Variants in DPP10 observed in about 807,000 individuals in gnomAD.
DPP10 encodes dipeptidyl peptidase like 10.
In DPP10, 33 loss-of-function variants were observed where a neutral mutation model predicts 120.9. The ratio of observed to expected loss-of-function variants is 0.27; its 90% CI spans 0.21 to 0.37. DPP10 has a LOEUF of 0.37. Among genes scored for constraint, DPP10 ranks in the 10% least tolerant of loss-of-function variants. The probability of loss-of-function intolerance (pLI) is 1.00; values close to 1 mark genes in which losing one functional copy is unlikely to be tolerated. For synonymous variants in DPP10, 337 were observed against 326.1 expected (o/e 1.03, Z -0.36); for missense variants, 816 against 942.8 (o/e 0.87, Z 1.76).
intron 3 of DPP10, among the ~76,000 whole-genome samples, chr2:115,464,271 A>G (rs373213222): frequency 1.9e-4 from 29 of 152,294 alleles, no homozygotes; most frequent in African/African-American, 7.0e-4. Flanking sequence ...TACATTAAAT[A>G]TTTAACTCAT....
chr2:114,667,745 C>T (rs546763483), intron 1 of DPP10, among the ~76,000 whole-genome samples: 11 of 152,210 alleles, frequency 7.2e-5, no homozygotes, highest in Middle Eastern at 6.8e-3. Flanking sequence ...CAGAAACTTA[C>T]GTTTTTACAA....
intron 1 of DPP10, among the ~76,000 whole-genome samples, chr2:115,091,939 A>C (rs1337781983): frequency 1.3e-5 from 2 of 152,214 alleles, no homozygotes; most frequent in Non-Finnish European, 2.9e-5. Context: ...CTAAATAGTC[A>C]TCTTGACTCT....
chr2:115,305,723 GC>G (rs1455024344), intron 1 of DPP10, among the ~76,000 whole-genome samples: 2 of 151,774 alleles, frequency 1.3e-5, no homozygotes, highest in African/African-American at 4.8e-5. Flanking sequence ...GGGTGACAGA[GC>G]AAGACCCTCT....
intron 1 of DPP10, among the ~76,000 whole-genome samples, chr2:115,025,290 A>T (rs1703380385): frequency 6.6e-6 from 1 of 152,114 alleles, no homozygotes; most frequent in South Asian, 2.1e-4. Flanking sequence ...CACCTAGCGT[A>T]ACAACTCCCA....
rs185914188 is a variant in DPP10, at chr2:115,592,990, T to G, written c.441+67018T>G. On this transcript the variant is annotated intron_variant, in intron 5 of 25. Transcript: ENST00000410059. ...ACCTACTTTGAAACTTAAAACAATTTTTACACATTAAAAGCCAAGCTGATT... is the reference window on the plus strand; with the variant it reads ...ACCTACTTTGAAACTTAAAACAATTGTTACACATTAAAAGCCAAGCTGATT... Among the ~76,000 whole-genome samples the G allele has an allele frequency of 4.8e-4, 73 of 152,262 alleles. 2 individuals carry two copies. In the East Asian group the frequency reaches 0.014, roughly 28 times the overall value.
intron 1 of DPP10, among the ~76,000 whole-genome samples, chr2:114,573,731 C>G (rs912938244): frequency 1.3e-5 from 2 of 152,136 alleles, no homozygotes; most frequent in East Asian, 3.9e-4. Flanking sequence ...AGAAAACACT[C>G]ACATATGGAA....
At chr2:115,037,522 C>G (rs555638670) in intron 1 of DPP10, among the ~76,000 whole-genome samples, 3 of 152,110 alleles carry the variant, frequency 2.0e-5, no homozygotes, top group African/African-American at 7.2e-5. Flanking sequence ...AAATTGTCCT[C>G]GAGAAGCTTG....
At chr2:114,608,032 G>A (rs566466907) in intron 1 of DPP10, among the ~76,000 whole-genome samples, 1 of 152,262 alleles carries the variant, frequency 6.6e-6, no homozygotes, top group East Asian at 1.9e-4. Flanking sequence ...CATCTCATTA[G>A]GCTTTCAGCC....
At chr2:115,111,073 G>C (rs901753877) in intron 1 of DPP10, among the ~76,000 whole-genome samples, 2 of 152,058 alleles carry the variant, frequency 1.3e-5, no homozygotes, top group South Asian at 4.2e-4. Context: ...AGAAGGAAAC[G>C]CAATCCTATG....
chr2:114,833,251 GT>G (rs1434290297), intron 1 of DPP10: 2 of 150,094 alleles, frequency 1.3e-5, no homozygotes, highest in Non-Finnish European at 3.0e-5. Flanking sequence ...TGTAAGAGTT[GT>G]GATTATACAG....
At chr2:115,168,517 C>T (rs914852108) in intron 1 of DPP10, among the ~76,000 whole-genome samples, 4 of 152,168 alleles carry the variant, frequency 2.6e-5, no homozygotes, top group African/African-American at 9.7e-5. Context: ...ATTGATTATT[C>T]CCAGCATACT....
chr2:115,064,922 T>A, intron 1 of DPP10: 2 of 1,097,676 alleles, frequency 1.8e-6, no homozygotes, highest in Non-Finnish European at 2.4e-6. Context: ...TTTTTTGTTT[T>A]AAGCATTATT....
intron 1 of DPP10, among the ~76,000 whole-genome samples, chr2:114,760,487 G>A (rs2106097530): frequency 6.6e-6 from 1 of 151,860 alleles, no homozygotes; most frequent in Non-Finnish European, 1.5e-5. Context: ...TAACCTGGAA[G>A]TACAAGTATT....
intron 3 of DPP10, among the ~76,000 whole-genome samples, chr2:115,402,557 C>T (rs1029245307): frequency 1.3e-5 from 2 of 151,268 alleles, no homozygotes; most frequent in Non-Finnish European, 2.9e-5. Flanking sequence ...GGATAAATTC[C>T]TAGACACATG....
intron 1 of DPP10, among the ~76,000 whole-genome samples, chr2:114,544,559 T>C (rs1439616464): frequency 1.3e-5 from 2 of 152,156 alleles, no homozygotes; most frequent in Non-Finnish European, 2.9e-5. Context: ...TGTCAGCATT[T>C]GTTAAATGGC....
intron 1 of DPP10, among the ~76,000 whole-genome samples, chr2:115,059,197 A>G (rs915009597): frequency 6.7e-6 from 1 of 149,954 alleles, no homozygotes; most frequent in African/African-American, 2.4e-5. Context: ...AAGAAAGAAG[A>G]GGGAGGAACA....
At chr2:114,834,275 A>ATGTATATATAAGCCATGTCTACACACCTG (rs1233757858) in intron 1 of DPP10, among the ~76,000 whole-genome samples, 22 of 151,378 alleles carry the variant, frequency 1.5e-4, no homozygotes, top group African/African-American at 4.9e-4. Flanking sequence ...CTACACACCT[A>ATGTATATATAAGCCATGTCTACACACCTG]TGTATATATA....
chr2:115,693,762 G>T (rs2091443785), intron 7 of DPP10, among the ~76,000 whole-genome samples: 1 of 151,996 alleles, frequency 6.6e-6, no homozygotes, highest in Admixed American at 6.6e-5. Context: ...ATTACATTCT[G>T]GTTCTACTGC....
intron 1 of DPP10, among the ~76,000 whole-genome samples, chr2:114,693,761 G>A (rs1699908337): frequency 6.6e-6 from 1 of 151,814 alleles, no homozygotes; most frequent in South Asian, 2.1e-4. Flanking sequence ...ATATTTCTTG[G>A]AGGTTTCGTT....
Sources: gnomAD v4.1 joint callset for allele counts (sites outside exome capture counted in the v4.1 genomes callset) on GRCh38, gnomAD v4.1.1 for gene constraint, MANE v1.5 for transcripts, NCBI Gene and HGNC (gene_info 2026-07-23, HGNC 2026-07-21) for gene names.